The following CAPN2 variants were observed in gnomAD, a reference collection of about 807,000 sequenced individuals.
The protein encoded by CAPN2 is calpain-2 catalytic subunit.
Under a neutral mutation model 102.3 loss-of-function variants are expected in CAPN2, and 92 were observed. The observed-to-expected ratio is 0.90, with a 90% CI of 0.76 to 1.07. The LOEUF is 1.07. Ranked by LOEUF, CAPN2 falls within the 50% of genes least tolerant of loss-of-function variation. The pLI, the probability that CAPN2 is intolerant of heterozygous loss-of-function variation, is 0.00. For synonymous variants in CAPN2, 340 were observed against 355.4 expected (o/e 0.96, Z 0.49); for missense variants, 800 against 909.4 (o/e 0.88, Z 1.55).
intron 1 of CAPN2, 40 bp from the exon 2 acceptor site, chr1:223,717,715 AGCACCTG>A: frequency 2.0e-6 from 3 of 1,498,878 alleles, no homozygotes; most frequent in Non-Finnish European, 2.8e-6. Context: ...TAGCTGCAGA[AGCACCTG>A]GCTGGTAGGC....
chr1:223,715,361 G>A (rs1659849663), intron 1 of CAPN2, among the ~76,000 whole-genome samples: 1 of 152,150 alleles, frequency 6.6e-6, no homozygotes, highest in Non-Finnish European at 1.5e-5. Context: ...TGGACTTTGA[G>A]AGCCTGTGTT....
intron 2 of CAPN2, among the ~76,000 whole-genome samples, chr1:223,742,622 T>C (rs927133841): frequency 6.7e-6 from 1 of 149,834 alleles, no homozygotes; most frequent in Admixed American, 6.7e-5. Flanking sequence ...TGAGCTCAAA[T>C]AGTCCTCCCA....
chr1:223,750,968 A>C lies in CAPN2; in HGVS notation c.892A>C (p.Asn298His). 6.4e-7 allele frequency: 1 copy of C among 1,551,864 alleles called. No individual in the cohort carries two copies. The highest frequency in any genetic ancestry group is 8.7e-7 in the Non-Finnish European group (1 of 1,147,066). Reference protein sequence around the residue: ...WGEVEWTGRWNDNCPSWNTID... With the variant: ...WGEVEWTGRWHDNCPSWNTID... Reference sequence around the variant, plus strand: ...AGAAGTGGAGTGGACAGGGCGGTGGAATGACAAGTGAGGAGGGCGCAGGCC... The same window carrying C: ...AGAAGTGGAGTGGACAGGGCGGTGGCATGACAAGTGAGGAGGGCGCAGGCC... Residue 298 changes from asparagine to histidine, a missense_variant, in exon 7 of 21, where the codon AAT (asparagine) becomes CAT (histidine). By Grantham distance (68) the Asn-to-His change is moderately conservative (BLOSUM62 1). Coordinates refer to ENST00000295006, the MANE Select transcript of CAPN2 (RefSeq NM_001748.5).
intron 2 of CAPN2, among the ~76,000 whole-genome samples, chr1:223,719,192 A>G (rs1185862814): frequency 6.6e-6 from 1 of 152,198 alleles, no homozygotes; most frequent in Non-Finnish European, 1.5e-5. Context: ...AAATCTATTC[A>G]TTAGAGAAAA....
intron 2 of CAPN2, among the ~76,000 whole-genome samples, chr1:223,728,577 T>C (rs892849276): frequency 6.6e-6 from 1 of 151,886 alleles, no homozygotes. Context: ...AGTGGCAGGG[T>C]TCTGGAAGAA....
At position 223,759,146 on chromosome 1, in the gene CAPN2, A is replaced by G. The variant is rs1298061834; in HGVS notation, c.1318-124A>G. 3.3e-6 allele frequency: 3 copies of G among 897,172 alleles called. No individual in the cohort carries two copies. The highest frequency in any genetic ancestry group is 3.3e-5 in the African/African-American group (2 of 60,380). 55.6% of individuals were successfully genotyped at this position (897,172 alleles called of 1,614,324 possible). A position where few individuals can be genotyped will look rare whatever the true frequency, so the allele number is the denominator to read the frequency against. On this transcript the variant is annotated intron_variant, in intron 11 of 20. Transcript: ENST00000295006. The surrounding 1 kb of genome is among the most constrained non-coding windows in gnomAD (Gnocchi z 4.6). ...TTCTGACGCCTGGCCTCGCCTCCTT[A>G]TACACCAGGACAGCAGGACTGAGCC...
intron 2 of CAPN2, among the ~76,000 whole-genome samples, chr1:223,739,640 C>T (rs998280607): frequency 1.3e-5 from 2 of 152,196 alleles, no homozygotes; most frequent in Non-Finnish European, 2.9e-5. Context: ...CCACCCTCCC[C>T]TCTGCCAAAA....
At chr1:223,708,879 G>A (rs1659671136), upstream of CAPN2, among the ~76,000 whole-genome samples, 3 of 148,058 alleles carry the variant, frequency 2.0e-5, no homozygotes, top group South Asian at 2.2e-4. Context: ...AGGAAGGAAG[G>A]AAAAGAAAGA....
chr1:223,725,507 C>T lies in CAPN2; in HGVS notation c.307+7676C>T, dbSNP rs1660168214. Among the ~76,000 whole-genome samples the T allele has an allele frequency of 6.6e-6, 1 of 152,178 alleles. No individual in the cohort carries two copies. Among genetic ancestry groups the T allele is most frequent in the Non-Finnish European group, 1.5e-5 (1 of 68,044 alleles). ...GTTTAATCCATGCAGATTGCACGTT[C>T]TCTTTGGGGACAGTACAGCTGGAGG... On this transcript the variant is annotated intron_variant, in intron 2 of 20. Transcript: ENST00000295006. The surrounding 1 kb of genome is among the most constrained non-coding windows in gnomAD (Gnocchi z 4.1).
chr1:223,773,587 G>C (rs536221744), intron 20 of CAPN2, among the ~76,000 whole-genome samples: 1 of 152,114 alleles, frequency 6.6e-6, no homozygotes, highest in East Asian at 1.9e-4. Flanking sequence ...CCAGCTACTC[G>C]GGAGGCTGAA....
chr1:223,766,560 G>A (rs548321463), intron 16 of CAPN2, 129 bp downstream of exon 16: 16 of 745,080 alleles, frequency 2.1e-5, no homozygotes, highest in East Asian at 2.6e-5. Flanking sequence ...AGTTGCTGTC[G>A]GACAGTCAGC....
At chr1:223,713,190 G>T (rs747499001) in intron 1 of CAPN2, among the ~76,000 whole-genome samples, 1 of 152,128 alleles carries the variant, frequency 6.6e-6, no homozygotes, top group African/African-American at 2.4e-5. Context: ...TGATGCAGGA[G>T]GCCGGGGTGA....
rs373544472 is a variant in CAPN2 at position 223,714,621 on chromosome 1, TAA to T, written c.237+1762_237+1763del. Among the ~76,000 whole-genome samples the T allele has an allele frequency of 2.7e-4, 35 of 130,946 alleles. No individual in the cohort carries two copies. The South Asian group carries it at 5.8e-3, about 22-fold the overall frequency. The allele number at this position is 130,946 out of a possible 152,430, so 85.9% of individuals were successfully genotyped here. On this transcript the variant is annotated intron_variant, in intron 1 of 20. Transcript: ENST00000295006. ...AGTAAGACTTGTCTCTATAAAAAAG[TAA>T]AAAAAAAAAAAAAAAAAGTGAAACA...
chr1:223,737,286 G>T (rs1399718475), intron 2 of CAPN2, among the ~76,000 whole-genome samples: 1 of 152,176 alleles, frequency 6.6e-6, no homozygotes, highest in Non-Finnish European at 1.5e-5. Flanking sequence ...GCATGGCTGG[G>T]TATGGAGGCA....
intron 1 of CAPN2, among the ~76,000 whole-genome samples, chr1:223,715,778 CT>C (rs1240572980): frequency 1.3e-5 from 2 of 152,194 alleles, no homozygotes; most frequent in Non-Finnish European, 2.9e-5. Flanking sequence ...AGGTTTCTCA[CT>C]TGCTTATCTT....
chr1:223,709,006 G>A (rs73115632), upstream of CAPN2, among the ~76,000 whole-genome samples: 2,928 of 152,300 alleles, frequency 0.019, 97 homozygotes, highest in African/African-American at 0.065. Context: ...GGAGGAGCAA[G>A]TGGAGATAAG....
In CAPN2 at chr1:223,745,288, A is replaced by G; in HGVS notation, c.427-18A>G. ...CTGCCACCAGCTCCTCCTGCAGCCCACCTCTCTTGTTCTGCAGTTCTGGCA... is the reference window on the plus strand; with the variant it reads ...CTGCCACCAGCTCCTCCTGCAGCCCGCCTCTCTTGTTCTGCAGTTCTGGCA... On this transcript the variant is annotated intron_variant, in intron 3 of 20. Coordinates refer to ENST00000295006, the MANE Select transcript of CAPN2 (RefSeq NM_001748.5). The G allele has an allele frequency of 6.2e-7, 1 of 1,613,982 alleles. No individual in the cohort carries two copies. Among genetic ancestry groups the G allele is most frequent in the Non-Finnish European group, 8.5e-7 (1 of 1,179,984 alleles).
At chr1:223,737,702 C>CGGGGGG (rs1558066398) in intron 2 of CAPN2, among the ~76,000 whole-genome samples, 1 of 7,610 alleles carries the variant, frequency 1.3e-4, no homozygotes, top group African/African-American at 3.1e-4. Flanking sequence ...CCAAAAGAGA[C>CGGGGGG]GGGGCGGGGG....
Position 223,764,160 on chromosome 1 carries a change from T to G in CAPN2, c.1643T>G (p.Ile548Ser), listed in dbSNP as rs753755498. The G allele has an allele frequency of 1.9e-6, 3 of 1,613,804 alleles. No individual in the cohort carries two copies. Among genetic ancestry groups the G allele is most frequent in the Non-Finnish European group, 2.5e-6 (3 of 1,179,832 alleles). Residue 548 changes from isoleucine to serine, a missense_variant, in exon 15 of 21, where the codon ATC becomes AGC. Physicochemically the swap from Ile to Ser is moderately radical, Grantham distance 142. Coordinates refer to ENST00000295006, the MANE Select transcript of CAPN2 (RefSeq NM_001748.5). The part of the protein sequence containing the change: ...FAQLAGEDAE[I>S]SAFELQTILR... ...GTTATGTGTCCACAGGATGCGGAGATCTCTGCCTTTGAGCTGCAGACCATC... is the reference window on the plus strand; with the variant it reads ...GTTATGTGTCCACAGGATGCGGAGAGCTCTGCCTTTGAGCTGCAGACCATC...
Sources: gnomAD v4.1 joint callset for allele counts (sites outside exome capture counted in the v4.1 genomes callset) on GRCh38, gnomAD v4.1.1 for gene constraint, Gnocchi (gnomAD v3.1) non-coding constraint, MANE v1.5 for transcripts, NCBI Gene and HGNC (gene_info 2026-07-23, HGNC 2026-07-21) for gene names.